Variants in GRM1 observed in about 807,000 individuals in gnomAD.
GRM1 encodes the protein metabotropic glutamate receptor 1.
GRM1 carries 33 observed loss-of-function variants against 90.9 expected under a neutral mutation model. The observed-to-expected ratio is 0.36, with a 90% CI of 0.28 to 0.49. GRM1 has a LOEUF of 0.49. GRM1 is among the 20% of genes least tolerant of loss of function. GRM1 has a pLI of 0.99. For missense variants in GRM1, 1,190 were observed against 1,534.3 expected, an observed-to-expected ratio of 0.78 and a Z score of 3.75; for synonymous variants, 700 against 613.2, an observed-to-expected ratio of 1.14 and a Z score of -2.09.
intron 2 of GRM1, among the ~76,000 whole-genome samples, chr6:146,280,723 A>G (rs1243946415): frequency 1.3e-5 from 2 of 152,044 alleles, no homozygotes; most frequent in Admixed American, 6.6e-5. Context: ...AGCTCAAGCA[A>G]TCCTCCCACC....
chr6:146,324,862 C>A (rs1185447898), intron 3 of GRM1, among the ~76,000 whole-genome samples: 1 of 152,164 alleles, frequency 6.6e-6, no homozygotes, highest in East Asian at 1.9e-4. Context: ...CTGCACTGTT[C>A]CCATTCGGCC....
rs534733890 is a variant in GRM1 at position 146,174,750 on chromosome 6, C to T, written c.950+15153C>T. On this transcript the variant is annotated intron_variant, in intron 2 of 7. Coordinates refer to ENST00000282753, the MANE Select transcript of GRM1 (RefSeq NM_001278064.2). The stretch of plus-strand genomic sequence containing the variant: ...TTCTTTAAAGAGAGGAAAGTCTTGG[C>T]TGAGGCTGACTTTCTGTGGAGAAAG... 2.6e-5 allele frequency among the ~76,000 whole-genome samples: 4 copies of T among 152,324 alleles called. No homozygotes were observed. The South Asian group carries it at 8.3e-4, about 32-fold the overall frequency.
At chr6:146,412,067 C>T (rs1298033617) in intron 7 of GRM1, among the ~76,000 whole-genome samples, 3 of 152,140 alleles carry the variant, frequency 2.0e-5, no homozygotes, top group African/African-American at 7.2e-5. Flanking sequence ...CCTTGTAACC[C>T]TCCATCCCCT....
chr6:146,098,123 G>C (rs780304945), intron 1 of GRM1, among the ~76,000 whole-genome samples: 13 of 152,128 alleles, frequency 8.5e-5, no homozygotes, highest in African/African-American at 2.7e-4. Flanking sequence ...TATTTTAGCT[G>C]ATTTGACACC....
chr6:146,250,339 T>C (rs944034014), intron 2 of GRM1, among the ~76,000 whole-genome samples: 1 of 152,162 alleles, frequency 6.6e-6, no homozygotes, highest in Non-Finnish European at 1.5e-5. Context: ...CCATAATCCT[T>C]ACATGTCAAG....
chr6:146,339,564 G>A (rs1162601423), intron 3 of GRM1, among the ~76,000 whole-genome samples: 1 of 152,118 alleles, frequency 6.6e-6, no homozygotes, highest in East Asian at 1.9e-4. Flanking sequence ...TAAATGTATT[G>A]TAGTCACCAT....
chr6:146,158,675 A>G (rs1236460536), intron 1 of GRM1, among the ~76,000 whole-genome samples: 2 of 152,216 alleles, frequency 1.3e-5, no homozygotes, highest in Non-Finnish European at 2.9e-5. Flanking sequence ...TGTAAAGTGT[A>G]ATATTTATCT....
In GRM1 at chr6:146,384,817, G is replaced by T. The variant is rs9376990; in HGVS notation, c.1603-2073G>T. Among the ~76,000 whole-genome samples the T allele has an allele frequency of 0.013, 1,951 of 152,036 alleles. 78 individuals carry two copies. In the East Asian group the frequency reaches 0.15, roughly 12 times the overall value. ...TGACAATATAAAAAATAACATATTA[G>T]AAGTTATACAGCTGAAAAATAACAT... On this transcript the variant is annotated intron_variant, in intron 5 of 7. Coordinates refer to ENST00000282753, the MANE Select transcript of GRM1 (RefSeq NM_001278064.2).
rs1327453810 is a variant in GRM1, at chr6:146,382,322, T to A, written c.1603-4568T>A. ...ATAAGAGATATAAGAACCTAAGATT[T>A]AAAAAAAAAAAAAAAACAACTTGTC... On this transcript the variant is annotated intron_variant, in intron 5 of 7. Coordinates refer to ENST00000282753, the MANE Select transcript of GRM1 (RefSeq NM_001278064.2). Among the ~76,000 whole-genome samples the A allele has an allele frequency of 4.7e-4, 67 of 143,192 alleles. 1 individual carries two copies. In the East Asian group the frequency reaches 0.012, roughly 25 times the overall value. The allele number at this position is 143,192 out of a possible 152,430, so 93.9% of individuals were successfully genotyped here.
intron 1 of GRM1, among the ~76,000 whole-genome samples, chr6:146,136,188 A>C (rs1459407553): frequency 6.6e-6 from 1 of 152,214 alleles, no homozygotes; most frequent in Non-Finnish European, 1.5e-5. Flanking sequence ...CTGTTGATAG[A>C]CACTTGGATT....
In GRM1 at chr6:146,339,623, C is replaced by T. The variant is rs1426855266; in HGVS notation, c.1187-12627C>T. Among the ~76,000 whole-genome samples, 6 of 152,254 alleles carry T rather than the reference C, an allele frequency of 3.9e-5. No individual in the cohort carries two copies. The East Asian group carries it at 1.2e-3, about 29-fold the overall frequency. Reference sequence around the variant, plus strand: ...GATCATCATCCTATTGCTGAGTTATCAGTCATTCACTATAAGAATAATTGA... The same window carrying T: ...GATCATCATCCTATTGCTGAGTTATTAGTCATTCACTATAAGAATAATTGA... On this transcript the variant is annotated intron_variant, in intron 3 of 7. Coordinates refer to ENST00000282753, the MANE Select transcript of GRM1 (RefSeq NM_001278064.2).
chr6:146,279,766 A>T (rs1782499149), intron 2 of GRM1, among the ~76,000 whole-genome samples: 1 of 152,188 alleles, frequency 6.6e-6, no homozygotes, highest in Admixed American at 6.5e-5. Flanking sequence ...ATTTAAAAAT[A>T]ATATTATACT....
intron 5 of GRM1, among the ~76,000 whole-genome samples, chr6:146,383,127 TAAAG>T (rs1776379354): frequency 6.6e-6 from 1 of 152,174 alleles, no homozygotes; most frequent in Non-Finnish European, 1.5e-5. Context: ...ACTTCGTGCA[TAAAG>T]AAAGAGGATT....
At chr6:146,183,468 T>A (rs1340664660) in intron 2 of GRM1, among the ~76,000 whole-genome samples, 1 of 152,102 alleles carries the variant, frequency 6.6e-6, no homozygotes, top group Non-Finnish European at 1.5e-5. Context: ...GAGGGTCAAA[T>A]AAAGTGACGG....
At chr6:146,262,580 A>T (rs1335865988) in intron 2 of GRM1, among the ~76,000 whole-genome samples, 1 of 151,940 alleles carries the variant, frequency 6.6e-6, no homozygotes, top group Non-Finnish European at 1.5e-5. Flanking sequence ...AAACCAACAA[A>T]ATAAGAATGT....
chr6:146,115,317 A>G (rs1275224407), intron 1 of GRM1, among the ~76,000 whole-genome samples: 1 of 152,058 alleles, frequency 6.6e-6, no homozygotes, highest in Non-Finnish European at 1.5e-5. Flanking sequence ...GACTTCATAT[A>G]TAAAATATTA....
At chr6:146,177,423 G>C (rs972175692) in intron 2 of GRM1, among the ~76,000 whole-genome samples, 1 of 151,978 alleles carries the variant, frequency 6.6e-6, no homozygotes, top group Non-Finnish European at 1.5e-5. Context: ...TATTATTAAA[G>C]GTGTCTTTCT....
Position 146,134,847 on chromosome 6 carries a change from C to T in GRM1, c.701-24501C>T, listed in dbSNP as rs1048597782. ...TCGGGAGGCTGAGGCAGGAGAATGGCGGGAACCCGGGAGGCAGAGCTTGCA... is the reference window on the plus strand; with the variant it reads ...TCGGGAGGCTGAGGCAGGAGAATGGTGGGAACCCGGGAGGCAGAGCTTGCA... On this transcript the variant is annotated intron_variant, in intron 1 of 7. Transcript: ENST00000282753. Among the ~76,000 whole-genome samples the T allele has an allele frequency of 1.1e-4, 17 of 152,176 alleles. No individual in the cohort carries two copies. In the East Asian group the frequency reaches 1.6e-3, roughly 14 times the overall value.
rs564986980 is a variant in GRM1, at chr6:146,311,847, T to A, written c.1186+7001T>A. Among the ~76,000 whole-genome samples the A allele has an allele frequency of 3.0e-4, 45 of 152,334 alleles. No individual in the cohort carries two copies. In the South Asian group the frequency reaches 3.9e-3, roughly 13 times the overall value. ...ATACTTTGTTAATGTGCTGTTTTGA[T>A]TGATCATATGATTTTTCCTGCTCTA... On this transcript the variant is annotated intron_variant, in intron 3 of 7. Transcript: ENST00000282753.
Sources: gnomAD v4.1 joint callset for allele counts (sites outside exome capture counted in the v4.1 genomes callset) on GRCh38, gnomAD v4.1.1 for gene constraint, MANE v1.5 for transcripts, NCBI Gene and HGNC (gene_info 2026-07-23, HGNC 2026-07-21) for gene names.